SOX5: variants seen among roughly 807,000 people sequenced by gnomAD.
SOX5 encodes transcription factor SOX-5.
A neutral mutation model predicts 92.0 loss-of-function variants in SOX5; 9 were observed. That is an observed-to-expected ratio of 0.10 (90% CI 0.06 to 0.17). The LOEUF is 0.17. Among genes scored for constraint, SOX5 ranks in the 10% least tolerant of loss-of-function variants. SOX5 has a pLI of 1.00. For synonymous variants in SOX5, 344 were observed against 336.3 expected, an observed-to-expected ratio of 1.02 and a Z score of -0.25; for missense variants, 642 against 944.5, an observed-to-expected ratio of 0.68 and a Z score of 4.20.
At chr12:23,935,912 A>G (rs1046345088) in intron 1 of SOX5, among the ~76,000 whole-genome samples, 11 of 151,260 alleles carry the variant, frequency 7.3e-5, no homozygotes, top group African/African-American at 2.7e-4. Context: ...GTGATGGTTA[A>G]GAGGGATAAT....
At chr12:24,342,023 G>T (rs564747489) in intron 2 of SOX5, among the ~76,000 whole-genome samples, 181 of 152,296 alleles carry the variant, frequency 1.2e-3, no homozygotes, top group African/African-American at 4.0e-3. Context: ...TTTCCTGATT[G>T]ACCCTCGTGG....
intron 4 of SOX5, among the ~76,000 whole-genome samples, chr12:23,755,174 T>C (rs2141227585): frequency 6.6e-6 from 1 of 151,834 alleles, no homozygotes. Flanking sequence ...CCAAAACAAA[T>C]TGTTACCTTG....
At chr12:23,759,971 T>C (rs1375017803) in intron 3 of SOX5, among the ~76,000 whole-genome samples, 1 of 152,030 alleles carries the variant, frequency 6.6e-6, no homozygotes, top group African/African-American at 2.4e-5. Context: ...ACCCAGTAGA[T>C]GTATGTATTT....
At chr12:24,398,430 G>A (rs568993010) in intron 1 of SOX5, among the ~76,000 whole-genome samples, 150 of 152,280 alleles carry the variant, frequency 9.9e-4, no homozygotes, top group African/African-American at 3.5e-3. Flanking sequence ...CTTGAGCCCA[G>A]GAGGCTGAGG....
At position 24,513,106 on chromosome 12, in the gene SOX5, G is replaced by A. The variant is rs116288399; in HGVS notation, c.-251+49223C>T. Among the ~76,000 whole-genome samples the A allele has an allele frequency of 1.9e-3, 283 of 152,304 alleles. 1 individual carries two copies. Among genetic ancestry groups the A allele is most frequent in the African/African-American group, 6.6e-3 (273 of 41,566 alleles). On this transcript the variant is annotated intron_variant, in intron 1 of 4. Coordinates refer to the SOX5 transcript ENST00000446891. ...TGAGCCGCAGCTCCCAGTCAGCCAT[G>A]CAACCATGCAGCTAAACAACTGAGG...
At chr12:23,615,470 G>A (rs148082103) in intron 8 of SOX5, among the ~76,000 whole-genome samples, 86 of 152,152 alleles carry the variant, frequency 5.7e-4, no homozygotes, top group African/African-American at 2.0e-3. Context: ...GTACCCAATT[G>A]TTATTTTTTT....
chr12:23,885,937 G>C (rs1400476218), intron 2 of SOX5, among the ~76,000 whole-genome samples: 1 of 151,510 alleles, frequency 6.6e-6, no homozygotes, highest in Non-Finnish European at 1.5e-5. Context: ...ATCATGAATT[G>C]AGTTTCAATG....
rs565444004 is a variant in SOX5 at position 23,793,295 on chromosome 12, TGCCTACTCGGTGACATAC to T, written c.482-37589_482-37572del. Reference sequence around the variant, plus strand: ...ATTTATTTAACATGCATTTATTAAGTGCCTACTCGGTGACATACACTCTGCTAGGCCTTTAGGGTGAGG... The same window carrying T: ...ATTTATTTAACATGCATTTATTAAGTACTCTGCTAGGCCTTTAGGGTGAGG... On this transcript the variant is annotated intron_variant, in intron 3 of 14. Coordinates refer to ENST00000451604, the MANE Select transcript of SOX5 (RefSeq NM_006940.6). Among the ~76,000 whole-genome samples the T allele has an allele frequency of 2.4e-4, 37 of 152,312 alleles. No homozygotes were observed. In the East Asian group the frequency reaches 6.9e-3, roughly 29 times the overall value.
Position 24,278,011 on chromosome 12 carries a change from A to G in SOX5, c.-173-699T>C, listed in dbSNP as rs112351934. 3.4e-3 allele frequency among the ~76,000 whole-genome samples: 517 copies of G among 152,264 alleles called. 6 individuals are homozygous for G. The highest frequency in any genetic ancestry group is 9.7e-3 in the African/African-American group (404 of 41,558). On this transcript the variant is annotated intron_variant, in intron 2 of 4. Transcript: ENST00000446891. ...ACCAATTTTCCTAGGCTGAACAAAA[A>G]TCGGCCCTGACAATCTGTTGAGATT...
intron 3 of SOX5, among the ~76,000 whole-genome samples, chr12:23,777,081 C>T (rs1353656889): frequency 6.6e-6 from 1 of 152,128 alleles, no homozygotes; most frequent in Admixed American, 6.6e-5. Flanking sequence ...TCTGTCTTGG[C>T]ATATGTCAGA....
chr12:23,565,531 T>A (rs1946920425), intron 10 of SOX5, among the ~76,000 whole-genome samples: 1 of 152,166 alleles, frequency 6.6e-6, no homozygotes. Flanking sequence ...AAAGCATGAA[T>A]TCTTTATGCT....
intron 4 of SOX5, among the ~76,000 whole-genome samples, chr12:24,054,967 G>T (rs930646872): frequency 6.6e-6 from 1 of 152,026 alleles, no homozygotes; most frequent in Non-Finnish European, 1.5e-5. Context: ...GGGAATGGGG[G>T]AGAGATTTTT....
intron 3 of SOX5, among the ~76,000 whole-genome samples, chr12:24,258,482 TAAC>T (rs1941592485): frequency 6.6e-6 from 1 of 152,224 alleles, no homozygotes; most frequent in Non-Finnish European, 1.5e-5. Flanking sequence ...CATTTTCTAA[TAAC>T]AACACTCTTA....
rs137991739 is a variant in SOX5 at position 24,315,472 on chromosome 12, G to A, written c.-173-38160C>T. 2.4e-3 allele frequency among the ~76,000 whole-genome samples: 365 copies of A among 152,138 alleles called. 4 individuals are homozygous for A. Among genetic ancestry groups the A allele is most frequent in the African/African-American group, 8.3e-3 (345 of 41,512 alleles). ...GAATGTTAGTATTTTAAGAAAACAT[G>A]AGTTAAGCATATTTGTAAGGTTTTT... On this transcript the variant is annotated intron_variant, in intron 2 of 4. Coordinates refer to the SOX5 transcript ENST00000446891.
intron 2 of SOX5, among the ~76,000 whole-genome samples, chr12:23,847,188 A>C (rs1336522826): frequency 6.6e-6 from 1 of 152,110 alleles, no homozygotes; most frequent in Non-Finnish European, 1.5e-5. Flanking sequence ...TTACTTCCAT[A>C]ATCCTTTACC....
chr12:24,381,898 C>T (rs1168220345), intron 1 of SOX5, among the ~76,000 whole-genome samples: 1 of 152,194 alleles, frequency 6.6e-6, no homozygotes, highest in South Asian at 2.1e-4. Flanking sequence ...AAGCTTCCTA[C>T]ATGGAATTCA....
At position 23,860,964 on chromosome 12, in the gene SOX5, A is replaced by C. The variant is rs201816225; in HGVS notation, c.271-14771T>G. 3.3e-4 allele frequency among the ~76,000 whole-genome samples: 36 copies of C among 108,348 alleles called. 1 individual carries two copies. In the East Asian group the frequency reaches 5.6e-3, roughly 17 times the overall value. 71.1% of individuals were successfully genotyped at this position (108,348 alleles called of 152,430 possible). A position where few individuals can be genotyped will look rare whatever the true frequency, so the allele number is the denominator to read the frequency against. On this transcript the variant is annotated intron_variant, in intron 2 of 14. Transcript: ENST00000451604. ...AAAGTATATTTTGTAAAAAAAAAAA[A>C]AAAAAAAAAAAAAACCCTGCCAACA...
chr12:24,515,393 G>A (rs1444927238), intron 1 of SOX5, among the ~76,000 whole-genome samples: 1 of 152,112 alleles, frequency 6.6e-6, no homozygotes, highest in Non-Finnish European at 1.5e-5. Context: ...TATTTAAGTT[G>A]TTATTCGTAT....
At chr12:24,343,844 C>A (rs1952870468) in intron 2 of SOX5, among the ~76,000 whole-genome samples, 1 of 152,072 alleles carries the variant, frequency 6.6e-6, no homozygotes, top group Admixed American at 6.6e-5. Context: ...ACAGGAGAAG[C>A]AATGCTGTAG....
Sources: gnomAD v4.1 joint callset for allele counts (sites outside exome capture counted in the v4.1 genomes callset) on GRCh38, gnomAD v4.1.1 for gene constraint, MANE v1.5 for transcripts, NCBI Gene and HGNC (gene_info 2026-07-23, HGNC 2026-07-21) for gene names.